Variants in ZNRF3 observed in about 807,000 individuals in gnomAD.
ZNRF3 encodes the protein E3 ubiquitin-protein ligase ZNRF3.
A neutral mutation model predicts 72.5 loss-of-function variants in ZNRF3; 23 were observed. That is an observed-to-expected ratio of 0.32 (90% CI 0.23 to 0.45). ZNRF3 has a LOEUF of 0.45. Ranked by LOEUF, ZNRF3 falls within the 20% of genes least tolerant of loss-of-function variation. ZNRF3 has a pLI of 1.00. For missense variants in ZNRF3, 1,169 were observed against 1,272.1 expected (o/e 0.92, Z 1.23); for synonymous variants, 610 against 545.3 (o/e 1.12, Z -1.65).
At chr22:28,963,306 A>G (rs1222549819) in intron 1 of ZNRF3, among the ~76,000 whole-genome samples, 3 of 152,194 alleles carry the variant, frequency 2.0e-5, no homozygotes, top group Non-Finnish European at 2.9e-5. Context: ...CTCACAGGCT[A>G]TAGCCACAGG....
Position 28,937,189 on chromosome 22 carries a change from A to G in ZNRF3, c.301-49887A>G, listed in dbSNP as rs1267717432. Among the ~76,000 whole-genome samples, 3 of 2,302 alleles carry G rather than the reference A, an allele frequency of 1.3e-3. No individual in the cohort carries two copies. The East Asian group carries it at 0.12, about 96-fold the overall frequency. The allele number at this position is 2,302 out of a possible 152,430, so 1.5% of individuals were successfully genotyped here. ...TCTCTCTTATAATATATATATATAT[A>G]TATATATATATATATATATATATAT... On this transcript the variant is annotated intron_variant, in intron 1 of 8. Coordinates refer to ENST00000544604, the MANE Select transcript of ZNRF3 (RefSeq NM_001206998.2).
At chr22:29,035,167 C>T (rs1204983623) in intron 2 of ZNRF3, among the ~76,000 whole-genome samples, 2 of 152,030 alleles carry the variant, frequency 1.3e-5, no homozygotes, top group East Asian at 3.9e-4. Context: ...TGGGGCATAC[C>T]AATGTGGTCG....
At chr22:28,987,037 G>T in intron 1 of ZNRF3, 39 bp from the exon 2 acceptor site, 1 of 1,591,030 alleles carries the variant, frequency 6.3e-7, no homozygotes. Flanking sequence ...CAAATGTGTA[G>T]CTTGCCTGCT....
At chr22:29,039,549 C>T (rs12627817) in intron 2 of ZNRF3, among the ~76,000 whole-genome samples, 1 of 151,896 alleles carries the variant, frequency 6.6e-6, no homozygotes, top group African/African-American at 2.4e-5. Context: ...ATGAAAAAGC[C>T]TAGGATACCA....
intron 1 of ZNRF3, among the ~76,000 whole-genome samples, chr22:28,943,366 C>G (rs2034985569): frequency 6.6e-6 from 1 of 152,190 alleles, no homozygotes; most frequent in Non-Finnish European, 1.5e-5. Flanking sequence ...TGACCTCTTG[C>G]TGTTTGCCTG....
intron 1 of ZNRF3, among the ~76,000 whole-genome samples, chr22:28,949,283 A>G (rs1334195155): frequency 6.6e-6 from 1 of 151,202 alleles, no homozygotes; most frequent in Non-Finnish European, 1.5e-5. Context: ...CAGCCTATTT[A>G]TTTATTTTTG....
At chr22:28,894,364 A>G (rs572427335) in intron 1 of ZNRF3, among the ~76,000 whole-genome samples, 1 of 150,696 alleles carries the variant, frequency 6.6e-6, no homozygotes, top group East Asian at 1.9e-4. Flanking sequence ...GTCTGCCATA[A>G]GGATCTGAAT....
rs2123887249 is a variant in ZNRF3, at chr22:29,049,493, C to T, written c.1312C>T (p.Arg438Trp). 1.9e-6 allele frequency: 3 copies of T among 1,604,844 alleles called. No homozygotes were observed. In the South Asian group the frequency reaches 3.3e-5, roughly 18 times the overall value. ...CGCTCACCGCTGCGGCCTGGAGCAC[C>T]GGGCCTACTCCCCAGCCCACCCCTT... ...LAAHRCGLEH[R>W]AYSPAHPFRR... is the part of the protein sequence containing the mutation. The change falls in exon 8 of 9, where the codon CGG becomes TGG. Residue 438 changes from arginine to tryptophan, a missense_variant. Arg to Trp is a moderately radical substitution (Grantham distance 101). Transcript: ENST00000544604. This position sits in a 1 kb window ranked among gnomAD's most constrained non-coding sequence, Gnocchi z 5.2.
chr22:28,892,377 G>C (rs991277324), intron 1 of ZNRF3, among the ~76,000 whole-genome samples: 4 of 152,208 alleles, frequency 2.6e-5, no homozygotes, highest in Non-Finnish European at 4.4e-5. Flanking sequence ...AAGAACACCT[G>C]GGGGAGGGAA....
chr22:29,043,340 G>A lies in ZNRF3; in HGVS notation c.543G>A (p.Val181=), dbSNP rs749067467. Residue 181 remains valine (V), a synonymous_variant, in exon 4 of 9, where the codon GTG becomes GTA. Coordinates refer to ENST00000544604, the MANE Select transcript of ZNRF3 (RefSeq NM_001206998.2). ...GSEDPLKRPV[V]YVKGADAIKL... is the part of the protein sequence containing the mutation. ...AAGACCCGCTCAAGAGGCCGGTGGTGTATGTGAAGGGTGCAGATGCCATTA... is the reference window on the plus strand; with the variant it reads ...AAGACCCGCTCAAGAGGCCGGTGGTATATGTGAAGGGTGCAGATGCCATTA... The A allele has an allele frequency of 1.1e-5, 17 of 1,613,946 alleles. No homozygotes were observed. The South Asian group carries it at 1.1e-4, about 10-fold the overall frequency.
chr22:29,046,730 G>C lies in ZNRF3; in HGVS notation c.759G>C (p.Arg253Ser). The change falls in exon 6 of 9, where the codon AGG becomes AGC. Residue 253 changes from arginine (R) to serine (S), a missense_variant. Coordinates refer to ENST00000544604, the MANE Select transcript of ZNRF3 (RefSeq NM_001206998.2). ...CTGCCCTGCAGAATTCCATGAACAG[G>C]CTGGCTGTGCAGGCTCTAGAGAAGA... The part of the protein sequence containing the change: ...KQRRSQNSMN[R>S]LAVQALEKME... 6.2e-7 allele frequency: 1 copy of C among 1,606,590 alleles called. No homozygotes were observed. Among genetic ancestry groups the C allele is most frequent in the Non-Finnish European group, 8.5e-7 (1 of 1,176,314 alleles).
At chr22:28,946,158 C>T (rs2035048899) in intron 1 of ZNRF3, among the ~76,000 whole-genome samples, 1 of 152,258 alleles carries the variant, frequency 6.6e-6, no homozygotes, top group Non-Finnish European at 1.5e-5. Context: ...ATAAGGGACA[C>T]CCCAGCCTGT....
intron 1 of ZNRF3, among the ~76,000 whole-genome samples, chr22:28,901,496 A>G (rs565187897): frequency 9.2e-5 from 14 of 152,216 alleles, no homozygotes; most frequent in Non-Finnish European, 1.8e-4. Context: ...GGACAGAGAC[A>G]TCAAGGGGGT....
At chr22:29,006,216 T>TTTTTTC (rs1361821747) in intron 2 of ZNRF3, among the ~76,000 whole-genome samples, 5 of 145,968 alleles carry the variant, frequency 3.4e-5, no homozygotes, top group African/African-American at 1.0e-4. Context: ...TCCGTTTCTT[T>TTTTTTC]TTTTTTTTTT....
At chr22:28,992,414 C>T (rs1463926201) in intron 2 of ZNRF3, among the ~76,000 whole-genome samples, 1 of 151,990 alleles carries the variant, frequency 6.6e-6, no homozygotes, top group East Asian at 1.9e-4. Flanking sequence ...ATGCCAGCGG[C>T]CCCCTCCTCA....
intron 1 of ZNRF3, among the ~76,000 whole-genome samples, chr22:28,956,955 C>T (rs762450199): frequency 6.6e-6 from 1 of 152,174 alleles, no homozygotes; most frequent in Non-Finnish European, 1.5e-5. Context: ...CACCAGGAGT[C>T]TTGGCTGGCC....
At chr22:28,966,435 C>A (rs1453120295) in intron 1 of ZNRF3, among the ~76,000 whole-genome samples, 1 of 151,842 alleles carries the variant, frequency 6.6e-6, no homozygotes, top group Non-Finnish European at 1.5e-5. Context: ...TAAAATAGTC[C>A]CAGGCAGGTC....
intron 1 of ZNRF3, among the ~76,000 whole-genome samples, chr22:28,931,572 T>A (rs2034707404): frequency 2.0e-5 from 3 of 152,218 alleles, no homozygotes; most frequent in Non-Finnish European, 4.4e-5. Context: ...CATTACTGTC[T>A]TGACAAAAGG....
chr22:28,973,742 T>C (rs1011781914), intron 1 of ZNRF3, among the ~76,000 whole-genome samples: 7 of 152,166 alleles, frequency 4.6e-5, no homozygotes, highest in Non-Finnish European at 8.8e-5. Flanking sequence ...TTCTATGTTT[T>C]TCCAGTGAAA....
Sources: gnomAD v4.1 joint callset for allele counts (sites outside exome capture counted in the v4.1 genomes callset) on GRCh38, gnomAD v4.1.1 for gene constraint, Gnocchi (gnomAD v3.1) non-coding constraint, MANE v1.5 for transcripts, NCBI Gene and HGNC (gene_info 2026-07-23, HGNC 2026-07-21) for gene names.